Variants in CSMD3 observed in about 807,000 individuals in gnomAD.
CSMD3 encodes CUB and sushi domain-containing protein 3.
Under a neutral mutation model 435.2 loss-of-function variants are expected in CSMD3, and 177 were observed. The ratio of observed to expected loss-of-function variants is 0.41; its 90% CI spans 0.36 to 0.46. The LOEUF (loss-of-function observed/expected upper bound fraction) is 0.46. Ranked by LOEUF, CSMD3 falls within the 20% of genes least tolerant of loss-of-function variation. The probability of loss-of-function intolerance (pLI) is 0.34; values close to 1 mark genes in which losing one functional copy is unlikely to be tolerated. For synonymous variants in CSMD3, 1,656 were observed against 1,520.5 expected, an observed-to-expected ratio of 1.09 and a Z score of -2.07; for missense variants, 4,265 against 4,504.6, an observed-to-expected ratio of 0.95 and a Z score of 1.52.
chr8:112,408,759 G>A (rs900844993), intron 33 of CSMD3, among the ~76,000 whole-genome samples, 160 bp downstream of exon 33: 3 of 151,136 alleles, frequency 2.0e-5, no homozygotes, highest in Non-Finnish European at 4.4e-5. Context: ...AACCTTCTGA[G>A]TTAATTTTGT....
chr8:113,203,238 A>C (rs889932323), intron 3 of CSMD3, among the ~76,000 whole-genome samples: 4 of 152,096 alleles, frequency 2.6e-5, no homozygotes, highest in African/African-American at 9.7e-5. Context: ...GCCCATGAAT[A>C]TGTACAAATA....
intron 9 of CSMD3, among the ~76,000 whole-genome samples, chr8:112,941,143 C>T (rs2083439575): frequency 6.6e-6 from 1 of 151,780 alleles, no homozygotes; most frequent in African/African-American, 2.4e-5. Flanking sequence ...TGAGTGAGCA[C>T]TTGAAGAATA....
At chr8:113,304,968 G>T (rs1451254218) in intron 2 of CSMD3, among the ~76,000 whole-genome samples, 1 of 146,040 alleles carries the variant, frequency 6.8e-6, no homozygotes, top group Non-Finnish European at 1.5e-5. Flanking sequence ...ATACTATGCA[G>T]CCATAAAAAA....
At chr8:113,231,870 C>T (rs2132191748) in intron 3 of CSMD3, among the ~76,000 whole-genome samples, 1 of 151,476 alleles carries the variant, frequency 6.6e-6, no homozygotes, top group East Asian at 1.9e-4. Context: ...ACAGTGTTTA[C>T]CAGTTGACTA....
intron 36 of CSMD3, among the ~76,000 whole-genome samples, chr8:112,389,859 A>T (rs1830270379): frequency 6.6e-6 from 1 of 152,210 alleles, no homozygotes; most frequent in Non-Finnish European, 1.5e-5. Context: ...TCCAGAAAAA[A>T]TATATATCTT....
At chr8:113,208,914 A>C (rs2092801614) in intron 3 of CSMD3, among the ~76,000 whole-genome samples, 1 of 152,226 alleles carries the variant, frequency 6.6e-6, no homozygotes, top group South Asian at 2.1e-4. Flanking sequence ...TGAGAGCAAA[A>C]TATTTTTTCA....
At chr8:112,958,281 C>A (rs899719002) in intron 7 of CSMD3, among the ~76,000 whole-genome samples, 8 of 152,112 alleles carry the variant, frequency 5.3e-5, no homozygotes, top group African/African-American at 1.9e-4. Flanking sequence ...ATTTTCTTTT[C>A]TTTCATATGC....
At chr8:112,697,634 T>C (rs2076288662) in intron 13 of CSMD3, among the ~76,000 whole-genome samples, 1 of 151,998 alleles carries the variant, frequency 6.6e-6, no homozygotes, top group African/African-American at 2.4e-5. Flanking sequence ...ATACACCTAA[T>C]GCAAATGACA....
chr8:112,887,331 T>C (rs571401350), intron 10 of CSMD3, among the ~76,000 whole-genome samples: 1 of 150,908 alleles, frequency 6.6e-6, no homozygotes, highest in African/African-American at 2.4e-5. Context: ...GCTATAAATA[T>C]TCATTCAATT....
At chr8:112,887,739 C>CAAA (rs5894115) in intron 10 of CSMD3, among the ~76,000 whole-genome samples, 21 of 145,780 alleles carry the variant, frequency 1.4e-4, no homozygotes, top group African/African-American at 1.7e-4. Context: ...AGTCTTTATG[C>CAAA]AAAAAAAAAA....
chr8:112,488,624 G>A (rs1241415800), intron 31 of CSMD3, among the ~76,000 whole-genome samples: 1 of 152,072 alleles, frequency 6.6e-6, no homozygotes, highest in Non-Finnish European at 1.5e-5. Flanking sequence ...ATGGGACCTC[G>A]GCTGAAAAGC....
chr8:113,369,927 G>T (rs143519866), intron 1 of CSMD3, among the ~76,000 whole-genome samples: 2 of 151,954 alleles, frequency 1.3e-5, no homozygotes, highest in African/African-American at 4.8e-5. Flanking sequence ...GGGATTGGGA[G>T]ATGTTGGTAA....
intron 32 of CSMD3, among the ~76,000 whole-genome samples, chr8:112,460,370 G>C (rs1817322155): frequency 6.6e-6 from 1 of 151,690 alleles, no homozygotes; most frequent in South Asian, 2.1e-4. Flanking sequence ...AGAAGCAAAG[G>C]GGTTAAGTAA....
At chr8:112,525,826 A>AAAT (rs1554602584) in intron 27 of CSMD3, among the ~76,000 whole-genome samples, 19 of 135,328 alleles carry the variant, frequency 1.4e-4, no homozygotes, top group African/African-American at 3.6e-4. Context: ...ACATATAAAA[A>AAAT]ATATATATAT....
At chr8:112,961,136 C>G (rs536001836) in intron 7 of CSMD3, among the ~76,000 whole-genome samples, 2 of 151,724 alleles carry the variant, frequency 1.3e-5, no homozygotes, top group Admixed American at 6.6e-5. Flanking sequence ...GTTATTTGTA[C>G]TAATATTATT....
At chr8:113,352,733 G>C (rs542455667) in intron 1 of CSMD3, among the ~76,000 whole-genome samples, 39 of 152,286 alleles carry the variant, frequency 2.6e-4, no homozygotes, top group Non-Finnish European at 5.1e-4. Flanking sequence ...GTTTGCAAGA[G>C]AGAAAGGAAA....
intron 27 of CSMD3, among the ~76,000 whole-genome samples, chr8:112,534,627 C>G (rs1446330402): frequency 6.6e-6 from 1 of 152,232 alleles, no homozygotes; most frequent in East Asian, 1.9e-4. Flanking sequence ...ACCATTCCTT[C>G]TGAAACTATT....
chr8:113,146,368 G>A (rs1175828629), intron 4 of CSMD3, among the ~76,000 whole-genome samples: 1 of 151,428 alleles, frequency 6.6e-6, no homozygotes, highest in Non-Finnish European at 1.5e-5. Flanking sequence ...TCATTAGCCT[G>A]GAGAGGTAAT....
intron 6 of CSMD3, among the ~76,000 whole-genome samples, chr8:113,002,839 T>C (rs762613981): frequency 3.9e-5 from 6 of 152,180 alleles, no homozygotes; most frequent in Admixed American, 6.6e-5. Flanking sequence ...TGTGTTTTTA[T>C]AGATTTCAAG....
Sources: gnomAD v4.1 joint callset for allele counts (sites outside exome capture counted in the v4.1 genomes callset) on GRCh38, gnomAD v4.1.1 for gene constraint, MANE v1.5 for transcripts, NCBI Gene and HGNC (gene_info 2026-07-23, HGNC 2026-07-21) for gene names.